The following FBXL20 variants were observed in gnomAD, a reference collection of about 807,000 sequenced individuals.
FBXL20 encodes the protein F-box/LRR-repeat protein 20.
Under a neutral mutation model 64.0 loss-of-function variants are expected in FBXL20, and 11 were observed. The ratio of observed to expected loss-of-function variants is 0.17; its 90% CI spans 0.11 to 0.28. The LOEUF (loss-of-function observed/expected upper bound fraction) is 0.28, where lower values mean the gene tolerates loss of function less well. Among genes scored for constraint, FBXL20 ranks in the 10% least tolerant of loss-of-function variants. The pLI is 1.00. For synonymous variants in FBXL20, 184 were observed against 189.0 expected, an observed-to-expected ratio of 0.97 and a Z score of 0.22; for missense variants, 303 against 526.2, an observed-to-expected ratio of 0.58 and a Z score of 4.15.
At position 39,267,895 on chromosome 17, in the gene FBXL20, ACAGC is replaced by A. The variant is rs901125190; in HGVS notation, c.933+928_933+931del. On this transcript the variant is annotated intron_variant, in intron 12 of 14. Coordinates refer to ENST00000264658, the MANE Select transcript of FBXL20 (RefSeq NM_032875.3). ...ACAAGTTTTAGTTTAGTAAGAACTA[ACAGC>A]TGTTAAGTAGTGCCTATAAAACAAA... Among the ~76,000 whole-genome samples the A allele has an allele frequency of 4.1e-4, 62 of 152,340 alleles. 1 individual carries two copies. Among genetic ancestry groups the A allele is most frequent in the African/African-American group, 1.5e-3 (61 of 41,584 alleles).
intron 2 of FBXL20, among the ~76,000 whole-genome samples, chr17:39,324,358 G>A (rs1597798356): frequency 6.9e-6 from 1 of 144,454 alleles, no homozygotes; most frequent in Non-Finnish European, 1.5e-5. Context: ...GCAGGATCTC[G>A]GCTCACCACA....
chr17:39,333,294 C>T (rs1416213680), intron 2 of FBXL20, among the ~76,000 whole-genome samples: 5 of 152,184 alleles, frequency 3.3e-5, no homozygotes, highest in South Asian at 2.1e-4. Flanking sequence ...TGCAGGCGCG[C>T]GCCGCCACGC....
rs1169645268 is a variant in FBXL20, at chr17:39,259,023, G to C, written c.*2437C>G. The C allele has an allele frequency of 6.6e-6, 1 of 152,148 alleles. No individual in the cohort carries two copies. Among genetic ancestry groups the C allele is most frequent in the East Asian group, 1.9e-4 (1 of 5,202 alleles). 9.4% of individuals were successfully genotyped at this position (152,148 alleles called of 1,614,324 possible). ...TTTTTAAAGCGGCACAATAAAACAG[G>C]ATTTAAAATAAATTTAATATGATAA... On this transcript the variant is annotated 3_prime_UTR_variant, in exon 15 of 15. Coordinates refer to ENST00000264658, the MANE Select transcript of FBXL20 (RefSeq NM_032875.3).
At position 39,256,075 on chromosome 17, in the gene FBXL20, C is replaced by T. The variant is rs1239316343; in HGVS notation, c.*5385G>A. The T allele has an allele frequency of 6.6e-6, 1 of 152,096 alleles. No homozygotes were observed. The highest frequency in any genetic ancestry group is 1.5e-5 in the Non-Finnish European group (1 of 68,042). 9.4% of individuals were successfully genotyped at this position (152,096 alleles called of 1,614,324 possible). A position where few individuals can be genotyped will look rare whatever the true frequency, so the allele number is the denominator to read the frequency against. ...GTGGCTTACACCTGTAATCCCAGCACTTTGGGAGGCCAAGGCAGGTGGACC... is the reference window on the plus strand; with the variant it reads ...GTGGCTTACACCTGTAATCCCAGCATTTTGGGAGGCCAAGGCAGGTGGACC... On this transcript the variant is annotated 3_prime_UTR_variant, in exon 15 of 15. Coordinates refer to ENST00000264658, the MANE Select transcript of FBXL20 (RefSeq NM_032875.3).
chr17:39,320,086 T>TAC (rs1022232539), intron 2 of FBXL20, among the ~76,000 whole-genome samples: 15 of 152,220 alleles, frequency 9.9e-5, no homozygotes, highest in Non-Finnish European at 1.6e-4. Flanking sequence ...ACAACATACA[T>TAC]ACACGTACAC....
At chr17:39,401,791 C>T, upstream of FBXL20, 1 of 905,518 alleles carries the variant, frequency 1.1e-6, no homozygotes, top group Non-Finnish European at 1.4e-6. Context: ...CACACGGGGC[C>T]GGCCCTGACG....
chr17:39,372,016 A>G (rs1190507387), intron 1 of FBXL20, among the ~76,000 whole-genome samples: 3 of 152,182 alleles, frequency 2.0e-5, no homozygotes, highest in Non-Finnish European at 4.4e-5. Context: ...GGAGCTTCAC[A>G]GACAAATCAT....
intron 9 of FBXL20, among the ~76,000 whole-genome samples, chr17:39,276,430 G>A (rs11656287): frequency 0.61 from 92,149 of 151,358 alleles, 31,643 homozygotes; most frequent in South Asian, 0.89. Flanking sequence ...CAGCACTTTG[G>A]GAGGCGGAGG....
intron 1 of FBXL20, among the ~76,000 whole-genome samples, chr17:39,391,244 C>A (rs2048130569): frequency 6.9e-6 from 1 of 145,632 alleles, no homozygotes; most frequent in Admixed American, 6.9e-5. Context: ...AGTAAGACCA[C>A]CTGTCTCAAA....
At chr17:39,285,273 C>G (rs529817454) in intron 7 of FBXL20, among the ~76,000 whole-genome samples, 3 of 152,232 alleles carry the variant, frequency 2.0e-5, no homozygotes, top group Admixed American at 1.3e-4. Context: ...CTACCCTGTT[C>G]AGAAATCCTA....
At chr17:39,274,485 A>C (rs1779857820) in intron 10 of FBXL20, among the ~76,000 whole-genome samples, 1 of 152,180 alleles carries the variant, frequency 6.6e-6, no homozygotes, top group Non-Finnish European at 1.5e-5. Flanking sequence ...AGTAAAAAAC[A>C]CAGCATTCTT....
intron 6 of FBXL20, 35 bp from the exon 7 acceptor site, chr17:39,285,608 A>G (rs1259133661): frequency 7.2e-7 from 1 of 1,385,462 alleles, no homozygotes; most frequent in South Asian, 1.3e-5. Flanking sequence ...TAATGAATAA[A>G]CAAGACAAGT....
chr17:39,399,819 C>A (rs1358519041), intron 1 of FBXL20, among the ~76,000 whole-genome samples: 1 of 152,096 alleles, frequency 6.6e-6, no homozygotes, highest in Non-Finnish European at 1.5e-5. Context: ...TAATTTTACA[C>A]CACATACAAG....
intron 1 of FBXL20, among the ~76,000 whole-genome samples, chr17:39,362,103 C>G (rs559461557): frequency 1.3e-5 from 2 of 150,844 alleles, no homozygotes; most frequent in Admixed American, 1.3e-4. Flanking sequence ...CTGGCTAACA[C>G]GGTGAAACCT....
intron 2 of FBXL20, among the ~76,000 whole-genome samples, chr17:39,320,102 TTTTG>T (rs1398386822): frequency 1.3e-5 from 2 of 152,182 alleles, no homozygotes; most frequent in Admixed American, 6.6e-5. Flanking sequence ...TACACACAGA[TTTTG>T]TTTCTTATAT....
At position 39,345,409 on chromosome 17, in the gene FBXL20, C is replaced by T. The variant is rs552585857; in HGVS notation, c.43-2168G>A. Among the ~76,000 whole-genome samples the T allele has an allele frequency of 7.9e-5, 12 of 151,956 alleles. No individual in the cohort carries two copies. In the South Asian group the frequency reaches 2.3e-3, roughly 29 times the overall value. ...TGGGAAAAAAAGATAACAATATGTA[C>T]AAAATAATGGAGTCATACATGAAGA... On this transcript the variant is annotated intron_variant, in intron 1 of 14. Coordinates refer to ENST00000264658, the MANE Select transcript of FBXL20 (RefSeq NM_032875.3).
chr17:39,385,932 A>C (rs1048081308), intron 1 of FBXL20, among the ~76,000 whole-genome samples: 1 of 148,396 alleles, frequency 6.7e-6, no homozygotes, highest in African/African-American at 2.5e-5. Flanking sequence ...CAGGAGGCTG[A>C]GGCAGGAGAA....
At chr17:39,383,083 A>T (rs1266601249) in intron 1 of FBXL20, among the ~76,000 whole-genome samples, 1 of 151,092 alleles carries the variant, frequency 6.6e-6, no homozygotes, top group Non-Finnish European at 1.5e-5. Context: ...GAATCTCTTG[A>T]ACCCGGGAGG....
At chr17:39,373,180 T>C (rs182867105) in intron 1 of FBXL20, among the ~76,000 whole-genome samples, 36 of 152,166 alleles carry the variant, frequency 2.4e-4, no homozygotes, top group African/African-American at 8.7e-4. Context: ...TCTTCCCCAC[T>C]CCTGGTTTAC....
Sources: gnomAD v4.1 joint callset for allele counts (sites outside exome capture counted in the v4.1 genomes callset) on GRCh38, gnomAD v4.1.1 for gene constraint, MANE v1.5 for transcripts, NCBI Gene and HGNC (gene_info 2026-07-23, HGNC 2026-07-21) for gene names.